Variants in CALCRL observed in about 807,000 individuals in gnomAD.
CALCRL encodes the protein calcitonin gene-related peptide type 1 receptor.
A neutral mutation model predicts 60.4 loss-of-function variants in CALCRL; 27 were observed. The ratio of observed to expected loss-of-function variants is 0.45; its 90% CI spans 0.33 to 0.62. The LOEUF is 0.62. Among genes scored for constraint, CALCRL ranks in the 20% least tolerant of loss-of-function variants. The pLI, the probability that CALCRL is intolerant of heterozygous loss-of-function variation, is 0.03. For missense variants in CALCRL, 424 were observed against 540.7 expected (o/e 0.78, Z 2.14); for synonymous variants, 190 against 182.6 (o/e 1.04, Z -0.33).
chr2:187,360,847 C>A, intron 9 of CALCRL, 96 bp from the exon 10 acceptor site: 1 of 1,120,260 alleles, frequency 8.9e-7, no homozygotes, highest in East Asian at 2.5e-5. Flanking sequence ...AACATTCTCC[C>A]CTACACACAA....
intron 4 of CALCRL, 146 bp from the exon 5 acceptor site, chr2:187,383,451 T>C: frequency 1.7e-6 from 1 of 571,994 alleles, no homozygotes; most frequent in Admixed American, 3.9e-5. Flanking sequence ...AAACCCCAAT[T>C]TGTAGTGTTT....
chr2:187,386,137 A>AGATAGATAGAT lies in CALCRL; in HGVS notation c.-36-517_-36-507dup, dbSNP rs1167276143. 7.7e-4 allele frequency among the ~76,000 whole-genome samples: 117 copies of AGATAGATAGAT among 152,216 alleles called. 1 individual carries two copies. The highest frequency in any genetic ancestry group is 2.0e-3 in the African/African-American group (84 of 41,508). ...ACAAACAGAAAAACTTCTTATAGAT[A>AGATAGATAGAT]GATAGATAGATAAGTAATTAGAAAA... On this transcript the variant is annotated intron_variant, in intron 3 of 14. Coordinates refer to ENST00000392370, the MANE Select transcript of CALCRL (RefSeq NM_005795.6).
At chr2:187,372,943 C>T (rs1313224930) in intron 8 of CALCRL, among the ~76,000 whole-genome samples, 1 of 152,104 alleles carries the variant, frequency 6.6e-6, no homozygotes, top group African/African-American at 2.4e-5. Flanking sequence ...GATCTAGCTG[C>T]AGTCTTTCAT....
chr2:187,422,591 A>G (rs187552809), intron 1 of CALCRL, among the ~76,000 whole-genome samples: 1 of 152,240 alleles, frequency 6.6e-6, no homozygotes, highest in African/African-American at 2.4e-5. Flanking sequence ...TGAGGCTCTT[A>G]TAGTAAATAT....
intron 1 of CALCRL, among the ~76,000 whole-genome samples, chr2:187,413,917 A>C (rs533625213): frequency 1.3e-5 from 2 of 152,136 alleles, no homozygotes; most frequent in Non-Finnish European, 2.9e-5. Context: ...CTCTGTGTCT[A>C]TGTAACTTGG....
intron 1 of CALCRL, among the ~76,000 whole-genome samples, chr2:187,433,262 T>C (rs1690481123): frequency 6.6e-6 from 1 of 152,096 alleles, no homozygotes; most frequent in South Asian, 2.1e-4. Flanking sequence ...GCATTATTTT[T>C]TTTCTGCATG....
chr2:187,354,481 G>A (rs1003171643), intron 12 of CALCRL, among the ~76,000 whole-genome samples: 5 of 152,006 alleles, frequency 3.3e-5, no homozygotes, highest in Non-Finnish European at 7.4e-5. Context: ...GAGGAAGTCT[G>A]AGTGGAATGA....
chr2:187,436,106 A>G (rs1227899119), intron 1 of CALCRL, among the ~76,000 whole-genome samples: 1 of 152,124 alleles, frequency 6.6e-6, no homozygotes, highest in Non-Finnish European at 1.5e-5. Context: ...TATAGTTATT[A>G]TTTAGTTATT....
Position 187,359,279 on chromosome 2 carries a change from T to C in CALCRL, c.782-7A>G. 6.7e-7 allele frequency: 1 copy of C among 1,489,274 alleles called. No homozygotes were observed. Among genetic ancestry groups the C allele is most frequent in the Non-Finnish European group, 9.0e-7 (1 of 1,116,616 alleles). The allele number at this position is 1,489,274 out of a possible 1,614,324, so 92.3% of individuals were successfully genotyped here. A position where few individuals can be genotyped will look rare whatever the true frequency, so the allele number is the denominator to read the frequency against. On this transcript the variant is annotated splice_region_variant and splice_polypyrimidine_tract_variant and intron_variant, in intron 10 of 14. Coordinates refer to ENST00000392370, the MANE Select transcript of CALCRL (RefSeq NM_005795.6). ...GCAGGAATCAGTGGAAATCCTGTAA[T>C]AACAAAAAAAAAAGAAAATAAATAG...
At chr2:187,371,278 A>G (rs1210529301) in intron 8 of CALCRL, among the ~76,000 whole-genome samples, 1 of 151,822 alleles carries the variant, frequency 6.6e-6, no homozygotes, top group African/African-American at 2.4e-5. Flanking sequence ...TATCTAATGT[A>G]AAGCCTGGGA....
intron 4 of CALCRL, among the ~76,000 whole-genome samples, chr2:187,383,552 T>A (rs1462319006): frequency 6.6e-6 from 1 of 152,150 alleles, no homozygotes; most frequent in African/African-American, 2.4e-5. Context: ...CCACAGTTGG[T>A]TCTCAGAAGC....
chr2:187,348,405 A>G (rs1353173187), intron 14 of CALCRL, among the ~76,000 whole-genome samples: 1 of 151,692 alleles, frequency 6.6e-6, no homozygotes, highest in Non-Finnish European at 1.5e-5. Context: ...TAATCAATAT[A>G]GTTTCTGGTT....
At chr2:187,386,130 TATAG>T (rs891902396) in intron 3 of CALCRL, among the ~76,000 whole-genome samples, 15 of 51,832 alleles carry the variant, frequency 2.9e-4, no homozygotes, top group Middle Eastern at 9.6e-3. Flanking sequence ...AAAAACTTCT[TATAG>T]ATAGATAGAT....
intron 1 of CALCRL, among the ~76,000 whole-genome samples, chr2:187,423,049 T>C (rs1413342351): frequency 6.6e-6 from 1 of 152,020 alleles, no homozygotes; most frequent in African/African-American, 2.4e-5. Context: ...CATTACAGTA[T>C]TTAGATAGGA....
chr2:187,382,594 A>T (rs1688026670), intron 5 of CALCRL, among the ~76,000 whole-genome samples: 1 of 152,106 alleles, frequency 6.6e-6, no homozygotes. Flanking sequence ...TTATTGCTTT[A>T]TCTGGCAACT....
At chr2:187,359,565 G>A (rs1686958510) in intron 10 of CALCRL, among the ~76,000 whole-genome samples, 1 of 152,050 alleles carries the variant, frequency 6.6e-6, no homozygotes, top group Admixed American at 6.6e-5. Flanking sequence ...TGTTTCCTAA[G>A]CCACAAGGAT....
At position 187,448,047 on chromosome 2, in the gene CALCRL, G is replaced by C. The variant is rs1042126670; in HGVS notation, c.-301C>G. ...TTTGAATGTGCACTTACCCAGTCCAGCTCTTAAGGAAATTCTTTGTGAAAT... is the reference window on the plus strand; with the variant it reads ...TTTGAATGTGCACTTACCCAGTCCACCTCTTAAGGAAATTCTTTGTGAAAT... On this transcript the variant is annotated 5_prime_UTR_variant, in exon 1 of 15. Coordinates refer to ENST00000392370, the MANE Select transcript of CALCRL (RefSeq NM_005795.6). 1 of 152,088 alleles carries C rather than the reference G, an allele frequency of 6.6e-6. No individual in the cohort carries two copies. Among genetic ancestry groups the C allele is most frequent in the Admixed American group, 6.6e-5 (1 of 15,238 alleles). 9.4% of individuals were successfully genotyped at this position (152,088 alleles called of 1,614,324 possible).
At chr2:187,408,431 T>C (rs1280756078) in intron 1 of CALCRL, among the ~76,000 whole-genome samples, 1 of 151,998 alleles carries the variant, frequency 6.6e-6, no homozygotes, top group Admixed American at 6.6e-5. Context: ...AAATAGAGAA[T>C]CTAGAAATAA....
intron 5 of CALCRL, among the ~76,000 whole-genome samples, chr2:187,381,769 A>G (rs1328067732): frequency 3.3e-5 from 5 of 152,100 alleles, no homozygotes; most frequent in Non-Finnish European, 7.4e-5. Flanking sequence ...GTAATTTTCT[A>G]ACTTGTCAGA....
Sources: gnomAD v4.1 joint callset for allele counts (sites outside exome capture counted in the v4.1 genomes callset) on GRCh38, gnomAD v4.1.1 for gene constraint, MANE v1.5 for transcripts, NCBI Gene and HGNC (gene_info 2026-07-23, HGNC 2026-07-21) for gene names.